The following TENM3 variants were observed in gnomAD, a reference collection of about 807,000 sequenced individuals.
The protein encoded by TENM3 is teneurin-3.
Under a neutral mutation model 255.1 loss-of-function variants are expected in TENM3, and 63 were observed. The ratio of observed to expected loss-of-function variants is 0.25; its 90% CI spans 0.20 to 0.30. The LOEUF is 0.30. TENM3 is among the 10% of genes least tolerant of loss of function. The probability of loss-of-function intolerance (pLI) is 1.00; values close to 1 mark genes in which losing one functional copy is unlikely to be tolerated. For synonymous variants in TENM3, 1,306 were observed against 1,322.3 expected, an observed-to-expected ratio of 0.99 and a Z score of 0.27; for missense variants, 2,929 against 3,461.1, an observed-to-expected ratio of 0.85 and a Z score of 3.86.
intron 3 of TENM3, among the ~76,000 whole-genome samples, chr4:182,600,122 A>C (rs1017285132): frequency 6.6e-6 from 1 of 152,208 alleles, no homozygotes; most frequent in Non-Finnish European, 1.5e-5. Flanking sequence ...TAAAACAAAA[A>C]TATTTGTATC....
the TENM3 span, among the ~76,000 whole-genome samples, chr4:182,133,034 G>A: frequency 1.3e-5 from 2 of 152,198 alleles, no homozygotes; most frequent in African/African-American, 4.8e-5. Context: ...GAGTCAGGAG[G>A]AGGAGGGAAA....
intron 27 of TENM3, among the ~76,000 whole-genome samples, chr4:182,797,690 A>G (rs965589313): frequency 8.5e-5 from 13 of 152,192 alleles, no homozygotes; most frequent in Non-Finnish European, 1.3e-4. Flanking sequence ...TGCACAGCAA[A>G]ACACCAGAAT....
the TENM3 span, among the ~76,000 whole-genome samples, chr4:181,475,985 C>T: frequency 6.6e-6 from 1 of 152,178 alleles, no homozygotes; most frequent in Non-Finnish European, 1.5e-5. Flanking sequence ...GCGGCTCCAG[C>T]GGGGAAGTCA....
intron 3 of TENM3, among the ~76,000 whole-genome samples, chr4:182,374,651 T>A (rs1767056775): frequency 6.6e-6 from 1 of 152,188 alleles, no homozygotes; most frequent in Non-Finnish European, 1.5e-5. Context: ...TCCATCCAAT[T>A]CAAACGATTT....
chr4:182,550,763 A>G (rs1321292909), intron 3 of TENM3, among the ~76,000 whole-genome samples: 1 of 152,200 alleles, frequency 6.6e-6, no homozygotes, highest in Non-Finnish European at 1.5e-5. Context: ...TCAATACTTA[A>G]TATAGTGCTT....
chr4:182,605,583 A>G (rs1433724471), intron 4 of TENM3, among the ~76,000 whole-genome samples: 2 of 152,022 alleles, frequency 1.3e-5, no homozygotes, highest in African/African-American at 4.8e-5. Flanking sequence ...GGCACCTTTT[A>G]TAACTTAGTA....
At chr4:181,795,143 C>T in the TENM3 span, among the ~76,000 whole-genome samples, 5 of 152,100 alleles carry the variant, frequency 3.3e-5, no homozygotes, top group East Asian at 1.9e-4. Context: ...TTTGTGTTTT[C>T]GATGGATGTC....
the TENM3 span, among the ~76,000 whole-genome samples, chr4:181,660,294 T>C: frequency 1.3e-5 from 2 of 152,174 alleles, no homozygotes; most frequent in Admixed American, 6.5e-5. Context: ...TTCTGTTTAT[T>C]GTGCCCAGTT....
At chr4:182,007,922 G>T in the TENM3 span, among the ~76,000 whole-genome samples, 1 of 152,150 alleles carries the variant, frequency 6.6e-6, no homozygotes, top group Admixed American at 6.5e-5. Flanking sequence ...AGACCTGGTG[G>T]TAACAAAATC....
chr4:181,551,460 A>C, the TENM3 span, among the ~76,000 whole-genome samples: 1 of 152,136 alleles, frequency 6.6e-6, no homozygotes, highest in African/African-American at 2.4e-5. Context: ...ATCCTTTTTG[A>C]TCACACTAAT....
intron 5 of TENM3, among the ~76,000 whole-genome samples, chr4:182,638,380 G>A (rs371291219): frequency 2.0e-5 from 3 of 152,254 alleles, no homozygotes; most frequent in East Asian, 3.9e-4. Context: ...CGCAAAAGCT[G>A]TTTGGAGATA....
upstream of TENM3, chr4:182,143,644 C>A (rs1749639813): frequency 6.1e-6 from 1 of 164,960 alleles, no homozygotes; most frequent in Non-Finnish European, 1.5e-5. The surrounding 1 kb of genome is among the most constrained non-coding windows in gnomAD (Gnocchi z 4.3). Flanking sequence ...CCCGCCCCCT[C>A]CCCCAGGGCC....
At chr4:182,509,036 G>A (rs1022198893) in intron 3 of TENM3, among the ~76,000 whole-genome samples, 1 of 152,140 alleles carries the variant, frequency 6.6e-6, no homozygotes, top group Non-Finnish European at 1.5e-5. Flanking sequence ...ATTGTGATGT[G>A]ACTAAATTGA....
At chr4:181,502,656 A>C in the TENM3 span, among the ~76,000 whole-genome samples, 3 of 152,046 alleles carry the variant, frequency 2.0e-5, no homozygotes, top group Non-Finnish European at 2.9e-5. Context: ...GGTGGTGGAG[A>C]CTGGGTTTCA....
the TENM3 span, among the ~76,000 whole-genome samples, chr4:181,454,579 C>T: frequency 1.4e-5 from 2 of 144,158 alleles, no homozygotes; most frequent in Non-Finnish European, 3.0e-5. Flanking sequence ...CTGGTAAGTG[C>T]CTTACGCAGA....
chr4:181,901,557 G>A, the TENM3 span, among the ~76,000 whole-genome samples: 2 of 152,214 alleles, frequency 1.3e-5, no homozygotes, highest in Non-Finnish European at 2.9e-5. Context: ...TATGTCGTGA[G>A]AGTCTATGAG....
chr4:181,677,873 A>G, the TENM3 span, among the ~76,000 whole-genome samples: 2 of 152,010 alleles, frequency 1.3e-5, no homozygotes, highest in African/African-American at 4.8e-5. Flanking sequence ...TTCTCCTTAC[A>G]CAGGAATCTT....
intron 3 of TENM3, among the ~76,000 whole-genome samples, chr4:182,550,345 T>A (rs529363051): frequency 6.6e-6 from 1 of 152,350 alleles, no homozygotes; most frequent in South Asian, 2.1e-4. Flanking sequence ...TGAGATGTAA[T>A]CCACAGAATA....
chr4:182,012,476 C>T, the TENM3 span, among the ~76,000 whole-genome samples: 27 of 152,252 alleles, frequency 1.8e-4, 1 homozygote, highest in South Asian at 4.8e-3. Context: ...ACGTAAAGAA[C>T]GCCGGAATTG....
Sources: gnomAD v4.1 joint callset for allele counts (sites outside exome capture counted in the v4.1 genomes callset) on GRCh38, gnomAD v4.1.1 for gene constraint, Gnocchi (gnomAD v3.1) non-coding constraint, MANE v1.5 for transcripts, NCBI Gene and HGNC (gene_info 2026-07-23, HGNC 2026-07-21) for gene names.